The following PHKA2 variants were observed in gnomAD, a reference collection of about 807,000 sequenced individuals.
The protein encoded by PHKA2 is phosphorylase b kinase regulatory subunit alpha, liver isoform.
In PHKA2, 31 loss-of-function variants were observed where a neutral mutation model predicts 102.0. The observed-to-expected ratio is 0.30, with a 90% CI of 0.23 to 0.41. PHKA2 has a LOEUF of 0.41. PHKA2 is among the 10% of genes least tolerant of loss of function. PHKA2 has a pLI of 1.00. For missense variants in PHKA2, 858 were observed against 1,023.1 expected (o/e 0.84, Z 2.20); for synonymous variants, 455 against 416.2 (o/e 1.09, Z -1.13).
At chrX:18,930,403 G>A (rs1337120717) in intron 12 of PHKA2, among the ~76,000 whole-genome samples, 1 of 110,768 alleles carries the variant, frequency 9.0e-6, no homozygotes, top group Non-Finnish European at 1.9e-5. Flanking sequence ...CACGAACCCC[G>A]AGAGAGAGGA....
chrX:18,904,998 G>A (rs1040132999), intron 26 of PHKA2, among the ~76,000 whole-genome samples: 4 of 111,545 alleles, frequency 3.6e-5, no homozygotes, highest in Non-Finnish European at 7.5e-5. Flanking sequence ...AGCGAGGCAG[G>A]ACAAAGCAAA....
chrX:18,923,534 C>T (rs1461128552), intron 17 of PHKA2, among the ~76,000 whole-genome samples: 1 of 111,968 alleles, frequency 8.9e-6, no homozygotes, highest in Non-Finnish European at 1.9e-5. Context: ...TACTTGGGGC[C>T]TGTAAACCAG....
intron 17 of PHKA2, among the ~76,000 whole-genome samples, chrX:18,920,663 G>A (rs2048101405): frequency 9.0e-6 from 1 of 111,683 alleles, no homozygotes; most frequent in Non-Finnish European, 1.9e-5. Context: ...TGCTATGATG[G>A]AAGAGGTCAG....
At chrX:18,940,358 C>G (rs1204010843) in intron 8 of PHKA2, among the ~76,000 whole-genome samples, 2 of 111,684 alleles carry the variant, frequency 1.8e-5, no homozygotes, top group East Asian at 5.6e-4. Context: ...TAAAAGGACC[C>G]TCACTATTTA....
chrX:18,907,912 C>T lies in PHKA2; in HGVS notation c.2505G>A (p.Glu835=). 3.3e-6 allele frequency: 4 copies of T among 1,211,440 alleles called. No homozygotes were observed. The highest frequency in any genetic ancestry group is 4.5e-6 in the Non-Finnish European group (4 of 895,281). Residue 835 remains glutamate, a synonymous_variant, in exon 22 of 33, where the codon GAG becomes GAA. Transcript: ENST00000379942. ...YISGLLRKKV[E]VLAEACTDLL... ...CAGTCGCACTGACCTCAGCCAGGACCTCCACTTTCTTCCTGAGAAGGCCTG... is the reference window on the plus strand; with the variant it reads ...CAGTCGCACTGACCTCAGCCAGGACTTCCACTTTCTTCCTGAGAAGGCCTG...
chrX:18,983,362 T>C (rs1185712506), intron 1 of PHKA2, among the ~76,000 whole-genome samples: 2 of 112,316 alleles, frequency 1.8e-5, no homozygotes, highest in Non-Finnish European at 3.8e-5. Flanking sequence ...AATTTTCTTA[T>C]CTGTAAAATA....
rs1469989699 is a variant in PHKA2, at chrX:18,912,338, A to G, written c.2138-1378T>C. On this transcript the variant is annotated intron_variant, in intron 19 of 32. Transcript: ENST00000379942. ...TACACAAACCTAGATGGTACAGCCT[A>G]CTACACACCTAGGTTGGATGATAGA... Among the ~76,000 whole-genome samples, 12 of 112,234 alleles carry G rather than the reference A, an allele frequency of 1.1e-4. No individual in the cohort carries two copies. The Admixed American group carries it at 1.1e-3, about 11-fold the overall frequency.
intron 8 of PHKA2, 24 bp from the exon 9 acceptor site, chrX:18,940,072 T>A: frequency 1.8e-6 from 2 of 1,140,252 alleles, no homozygotes; most frequent in South Asian, 3.6e-5. Context: ...GTACATTCGA[T>A]GAGCTCAGAG....
rs2047968868 is a variant in PHKA2, at chrX:18,913,649, G to A, written c.2138-2689C>T. Among the ~76,000 whole-genome samples the A allele has an allele frequency of 2.7e-5, 3 of 111,643 alleles. No homozygotes were observed. In the South Asian group the frequency reaches 1.1e-3, roughly 42 times the overall value. On this transcript the variant is annotated intron_variant, in intron 19 of 32. Transcript: ENST00000379942. ...TTGAACTCCTGACCCACCCACCTGG[G>A]CCTCCTAAAGTGCTGGGATTACAGG...
intron 23 of PHKA2, 70 bp downstream of exon 23, chrX:18,906,948 G>T: frequency 9.6e-7 from 1 of 1,038,252 alleles, no homozygotes; most frequent in Non-Finnish European, 1.3e-6. Context: ...CCCCTCCTCC[G>T]AACACTGGGA....
Position 18,900,937 on chromosome X carries a change from G to C in PHKA2, c.3028-238C>G, listed in dbSNP as rs779359340. On this transcript the variant is annotated intron_variant, in intron 27 of 32. Transcript: ENST00000379942. Reference sequence around the variant, plus strand: ...TTTCCCAGCATGGATCCTGGGCAAGGCCTAGCACAGCACCCAGCACGTTAA... The same window carrying C: ...TTTCCCAGCATGGATCCTGGGCAAGCCCTAGCACAGCACCCAGCACGTTAA... 2.4e-4 allele frequency among the ~76,000 whole-genome samples: 27 copies of C among 110,588 alleles called. 2 individuals are homozygous for C. The highest frequency in any genetic ancestry group is 2.4e-3 in the Admixed American group (25 of 10,394).
chrX:18,948,921 C>A, intron 4 of PHKA2, 95 bp from the exon 5 acceptor site: 1 of 605,111 alleles, frequency 1.7e-6, no homozygotes, highest in Non-Finnish European at 2.8e-6. Flanking sequence ...ACCCTTTTAC[C>A]CTCATTTTCA....
chrX:18,975,010 C>T (rs929214257), intron 1 of PHKA2, among the ~76,000 whole-genome samples: 1 of 110,564 alleles, frequency 9.0e-6, no homozygotes, highest in African/African-American at 3.3e-5. Context: ...GATCTCGTCT[C>T]GTCTCGTCTC....
rs781521941 is a variant in PHKA2, at chrX:18,947,711, T to A, written c.537+1033A>T. 3.5e-5 allele frequency among the ~76,000 whole-genome samples: 4 copies of A among 112,721 alleles called. No homozygotes were observed. In the East Asian group the frequency reaches 1.1e-3, roughly 31 times the overall value. The stretch of plus-strand genomic sequence containing the variant: ...AAAAAGACACTTGCACATGCATGTT[T>A]ATAGCAGCACAATTCACAACTGTAA... On this transcript the variant is annotated intron_variant, in intron 5 of 32. Transcript: ENST00000379942.
At chrX:18,959,297 A>C (rs2048831339) in intron 1 of PHKA2, among the ~76,000 whole-genome samples, 1 of 112,213 alleles carries the variant, frequency 8.9e-6, no homozygotes, top group South Asian at 3.6e-4. Context: ...GCGATGTTTA[A>C]TATTATTCAC....
At chrX:18,932,957 T>C (rs1263640770) in intron 11 of PHKA2, among the ~76,000 whole-genome samples, 1 of 109,937 alleles carries the variant, frequency 9.1e-6, no homozygotes, top group Admixed American at 9.7e-5. Context: ...CTACTAAAAA[T>C]ACAAAAATTA....
At chrX:18,951,521 G>A (rs780851975) in intron 3 of PHKA2, among the ~76,000 whole-genome samples, 1 of 111,449 alleles carries the variant, frequency 9.0e-6, no homozygotes, top group Admixed American at 9.5e-5. Flanking sequence ...GACAAAGGGT[G>A]TCCTTGTCTA....
intron 1 of PHKA2, among the ~76,000 whole-genome samples, chrX:18,969,116 TAAA>T (rs60452088): frequency 1.0e-5 from 1 of 97,422 alleles, no homozygotes; most frequent in African/African-American, 3.7e-5. Flanking sequence ...TCTGTATATT[TAAA>T]AAAAAAAAAA....
intron 2 of PHKA2, among the ~76,000 whole-genome samples, chrX:18,953,941 G>A (rs979969648): frequency 9.0e-6 from 1 of 110,713 alleles, no homozygotes; most frequent in East Asian, 2.8e-4. Context: ...AGCTGAGATC[G>A]CGCCACTGCA....
Sources: gnomAD v4.1 joint callset for allele counts (sites outside exome capture counted in the v4.1 genomes callset) on GRCh38, gnomAD v4.1.1 for gene constraint, MANE v1.5 for transcripts, NCBI Gene and HGNC (gene_info 2026-07-23, HGNC 2026-07-21) for gene names.